Variants in ZNF215 observed in about 807,000 individuals in gnomAD.
ZNF215 encodes the protein zinc finger protein 215.
A neutral mutation model predicts 27.2 loss-of-function variants in ZNF215; 24 were observed. The observed-to-expected ratio is 0.88, with a 90% CI of 0.64 to 1.24. ZNF215 has a LOEUF of 1.24. ZNF215 is among the 50% of genes most tolerant of loss of function. ZNF215 has a pLI of 0.00. For missense variants in ZNF215, 675 were observed against 605.7 expected, an observed-to-expected ratio of 1.11 and a Z score of -1.20; for synonymous variants, 210 against 204.0, an observed-to-expected ratio of 1.03 and a Z score of -0.25.
intron 6 of ZNF215, among the ~76,000 whole-genome samples, chr11:6,948,781 T>A (rs1161871091): frequency 1.3e-5 from 2 of 152,110 alleles, no homozygotes; most frequent in Non-Finnish European, 2.9e-5. Flanking sequence ...ACTTTAAGTT[T>A]TAGGGTACAT....
At chr11:6,968,786 A>G (rs1850672060) in intron 5 of ZNF215, among the ~76,000 whole-genome samples, 1 of 151,980 alleles carries the variant, frequency 6.6e-6, no homozygotes, top group African/African-American at 2.4e-5. Context: ...GGATCACCTG[A>G]GCCCAGGAGG....
At chr11:6,941,453 AT>A in intron 3 of ZNF215, 117 bp from the exon 4 acceptor site, 2 of 823,798 alleles carry the variant, frequency 2.4e-6, no homozygotes, top group Non-Finnish European at 1.9e-6. Context: ...GCCTGACATT[AT>A]TTTTTTCAAA....
At chr11:6,940,645 A>G (rs922715643) in intron 3 of ZNF215, among the ~76,000 whole-genome samples, 5 of 152,142 alleles carry the variant, frequency 3.3e-5, no homozygotes, top group Admixed American at 6.5e-5. Flanking sequence ...AGTTGTTTAA[A>G]TTGTTGAACC....
chr11:6,931,541 T>TGGG lies in ZNF215; in HGVS notation c.-179-553_-179-552insGGG, dbSNP rs554718441. Among the ~76,000 whole-genome samples, 642 of 152,352 alleles carry TGGG rather than the reference T, an allele frequency of 4.2e-3. 7 individuals are homozygous for TGGG. The highest frequency in any genetic ancestry group is 0.014 in the African/African-American group (597 of 41,574). On this transcript the variant is annotated intron_variant, in intron 2 of 6. Transcript: ENST00000278319. ...GTGGGCATTGCGTAATTCTCCATAG[T>TGGG]AACTCCTAACAAATATAAACTTTTC...
intron 4 of ZNF215, among the ~76,000 whole-genome samples, chr11:6,941,968 T>G (rs914008047): frequency 6.6e-6 from 1 of 151,954 alleles, no homozygotes; most frequent in African/African-American, 2.4e-5. Flanking sequence ...TAGGCAAGAG[T>G]AGAAGAAACC....
chr11:6,958,486 T>C (rs972708849), downstream of ZNF215, among the ~76,000 whole-genome samples: 10 of 152,210 alleles, frequency 6.6e-5, no homozygotes, highest in African/African-American at 2.4e-4. Flanking sequence ...ATTTTTGGAG[T>C]GCATTTAAAG....
intron 5 of ZNF215, among the ~76,000 whole-genome samples, chr11:6,968,636 T>G (rs1395240037): frequency 6.6e-6 from 1 of 150,410 alleles, no homozygotes; most frequent in Non-Finnish European, 1.5e-5. Flanking sequence ...GAAGCCAAGG[T>G]GGGTGGATCA....
chr11:6,987,019 A>C (rs1417568210), downstream of ZNF215, among the ~76,000 whole-genome samples: 2 of 152,176 alleles, frequency 1.3e-5, no homozygotes, highest in Admixed American at 6.5e-5. Flanking sequence ...CATTTGACCC[A>C]GCAATGACTT....
At chr11:6,970,860 T>G (rs1850705577) in intron 5 of ZNF215, among the ~76,000 whole-genome samples, 1 of 152,182 alleles carries the variant, frequency 6.6e-6, no homozygotes, top group Non-Finnish European at 1.5e-5. Context: ...ATGTGATAGT[T>G]CTAAACAATG....
chr11:6,931,031 CA>C (rs1261025960), intron 2 of ZNF215, among the ~76,000 whole-genome samples: 1 of 152,202 alleles, frequency 6.6e-6, no homozygotes, highest in Non-Finnish European at 1.5e-5. Context: ...AGGCCAGGTA[CA>C]ATCTCTAGCT....
intron 5 of ZNF215, among the ~76,000 whole-genome samples, chr11:6,974,353 G>A (rs1850786144): frequency 6.6e-6 from 1 of 152,096 alleles, no homozygotes. Flanking sequence ...TGTTCTTTTG[G>A]CTTAGGATTG....
chr11:6,951,011 T>C (rs1402258351), intron 6 of ZNF215, among the ~76,000 whole-genome samples: 2 of 152,162 alleles, frequency 1.3e-5, no homozygotes, highest in Non-Finnish European at 1.5e-5. Context: ...TTGTCTTTGG[T>C]TCTGTTTATA....
At chr11:6,989,630 G>A (rs1280874699), downstream of ZNF215, among the ~76,000 whole-genome samples, 1 of 152,152 alleles carries the variant, frequency 6.6e-6, no homozygotes, top group Non-Finnish European at 1.5e-5. Context: ...AGACTCCCAT[G>A]TTCCCTAGCT....
At position 6,957,871 on chromosome 11, in the gene ZNF215, C is replaced by T. The variant is rs569264471; in HGVS notation, c.*1340C>T. The T allele has an allele frequency of 7.1e-6, 7 of 985,400 alleles. No homozygotes were observed. The South Asian group carries it at 3.3e-4, about 46-fold the overall frequency. 61.0% of individuals were successfully genotyped at this position (985,400 alleles called of 1,614,324 possible). On this transcript the variant is annotated 3_prime_UTR_variant, in exon 7 of 7. Coordinates refer to ENST00000278319, the MANE Select transcript of ZNF215 (RefSeq NM_013250.4). ...GAACTGTGTCTTCTGTAAACTACCT[C>T]AGGATCCCATCTGGTTCTTGAGCCA...
chr11:6,943,080 T>A lies in ZNF215; in HGVS notation c.484-3T>A. The A allele has an allele frequency of 1.9e-6, 3 of 1,609,720 alleles. No homozygotes were observed. Among genetic ancestry groups the A allele is most frequent in the Non-Finnish European group, 2.5e-6 (3 of 1,178,750 alleles). ...TTGATTAAAAAGGAACTTAATGTTT[T>A]AGGAACCAGTGACATTCAAAGATGT... On this transcript the variant is annotated splice_region_variant and splice_polypyrimidine_tract_variant and intron_variant, in intron 4 of 6. Coordinates refer to ENST00000278319, the MANE Select transcript of ZNF215 (RefSeq NM_013250.4).
At chr11:6,949,307 C>A (rs545187811) in intron 6 of ZNF215, among the ~76,000 whole-genome samples, 4 of 152,276 alleles carry the variant, frequency 2.6e-5, no homozygotes, top group African/African-American at 9.6e-5. Flanking sequence ...AGTTCAAGAT[C>A]CCTGAGGAAT....
intron 6 of ZNF215, among the ~76,000 whole-genome samples, chr11:6,954,671 G>A (rs1361302757): frequency 6.6e-6 from 1 of 152,212 alleles, no homozygotes; most frequent in Non-Finnish European, 1.5e-5. Flanking sequence ...GGAACTCCCT[G>A]ACCCCTTGCG....
downstream of ZNF215, among the ~76,000 whole-genome samples, chr11:6,989,352 A>C (rs761553836): frequency 6.6e-6 from 1 of 152,128 alleles, no homozygotes; most frequent in Non-Finnish European, 1.5e-5. Context: ...AGAAGTAGAC[A>C]TGGGTTCTGG....
intron 5 of ZNF215, among the ~76,000 whole-genome samples, chr11:6,969,652 C>T (rs974039915): frequency 5.3e-5 from 8 of 152,022 alleles, no homozygotes; most frequent in Non-Finnish European, 1.5e-5. Context: ...ACAGAATTAT[C>T]TCAAGATTTA....
Sources: gnomAD v4.1 joint callset for allele counts (sites outside exome capture counted in the v4.1 genomes callset) on GRCh38, gnomAD v4.1.1 for gene constraint, MANE v1.5 for transcripts, NCBI Gene and HGNC (gene_info 2026-07-23, HGNC 2026-07-21) for gene names.